Variants in CCDC150 observed in about 807,000 individuals in gnomAD.
The protein encoded by CCDC150 is coiled-coil domain-containing protein 150.
In CCDC150, 151 loss-of-function variants were observed where a neutral mutation model predicts 156.5. The observed-to-expected ratio is 0.97, with a 90% CI of 0.85 to 1.10. The LOEUF (loss-of-function observed/expected upper bound fraction) is 1.10, where lower values mean the gene tolerates loss of function less well. Among genes scored for constraint, CCDC150 ranks in the 50% least tolerant of loss-of-function variants. The pLI is 0.00. For synonymous variants in CCDC150, 452 were observed against 429.4 expected (o/e 1.05, Z -0.65); for missense variants, 1,312 against 1,268.1 (o/e 1.03, Z -0.53).
intron 17 of CCDC150, among the ~76,000 whole-genome samples, chr2:196,715,558 C>A (rs1478489460): frequency 2.6e-5 from 4 of 152,160 alleles, no homozygotes; most frequent in African/African-American, 9.7e-5. Flanking sequence ...GAATGTACTA[C>A]CCATCCAAAA....
At chr2:196,666,424 T>C (rs1476455837) in intron 6 of CCDC150, among the ~76,000 whole-genome samples, 3 of 152,212 alleles carry the variant, frequency 2.0e-5, no homozygotes, top group African/African-American at 7.2e-5. Flanking sequence ...ATTAGCCACA[T>C]ATGGCTATTC....
In CCDC150 at chr2:196,658,804, A is replaced by G. The variant is rs1412291794; in HGVS notation, c.589A>G (p.Ile197Val). 4.4e-6 allele frequency: 7 copies of G among 1,603,176 alleles called. No homozygotes were observed. Among genetic ancestry groups the G allele is most frequent in the Admixed American group, 3.4e-5 (2 of 58,754 alleles). Residue 197 changes from isoleucine to valine, a missense_variant, in exon 5 of 28, where the codon ATT (isoleucine) becomes GTT (valine). Coordinates refer to ENST00000389175, the MANE Select transcript of CCDC150 (RefSeq NM_001080539.2). ...CTTCTACTTTTAGAAGAATGCAGCC[A>G]TTATTGAAGAGGAACTGAAGACCAC... ...IASQTKKNAA[I>V]IEEELKTTKR... is the part of the protein sequence containing the mutation.
chr2:196,711,995 A>G (rs1697151312), intron 15 of CCDC150, 150 bp from the exon 16 acceptor site: 1 of 364,534 alleles, frequency 2.7e-6, no homozygotes, highest in African/African-American at 2.1e-5. Flanking sequence ...GCTTTTTGCA[A>G]GTTTTAAAGA....
intron 2 of CCDC150, among the ~76,000 whole-genome samples, chr2:196,649,969 C>T (rs1692778578): frequency 6.6e-6 from 1 of 152,134 alleles, no homozygotes; most frequent in South Asian, 2.1e-4. Context: ...TTCCTCCTTT[C>T]CTGTTTGGAT....
rs552956028 is a variant in CCDC150, at chr2:196,675,471, T to A, written c.1138-672T>A. 3.3e-4 allele frequency among the ~76,000 whole-genome samples: 51 copies of A among 152,282 alleles called. 1 individual carries two copies. Among genetic ancestry groups the A allele is most frequent in the African/African-American group, 7.9e-4 (33 of 41,578 alleles). The stretch of plus-strand genomic sequence containing the variant: ...AAATATTGTTAAAATAGAAGTTTTT[T>A]AAAAAGTATTTATAAAACTAATTGT... On this transcript the variant is annotated intron_variant, in intron 10 of 27. Coordinates refer to ENST00000389175, the MANE Select transcript of CCDC150 (RefSeq NM_001080539.2).
chr2:196,650,348 A>G (rs1692803795), intron 2 of CCDC150, among the ~76,000 whole-genome samples: 1 of 152,156 alleles, frequency 6.6e-6, no homozygotes, highest in African/African-American at 2.4e-5. Flanking sequence ...ATCTCACTTG[A>G]TCATGGTGAA....
intron 4 of CCDC150, 33 bp from the exon 5 acceptor site, chr2:196,658,759 A>G (rs956411388): frequency 4.0e-6 from 6 of 1,507,136 alleles, no homozygotes; most frequent in Non-Finnish European, 5.5e-6. Flanking sequence ...GTCATTTCAG[A>G]TTATTTAGAA....
Position 196,729,969 on chromosome 2 carries a change from C to G in CCDC150, c.2833C>G (p.Gln945Glu). The stretch of plus-strand genomic sequence containing the variant: ...TGTATCCTTCCAGTCTTTGAGTATC[C>G]AGAGATTTGTGTGTGAAATGACTAA... ...KKNYEQSLSI[Q>E]RFVCEMTNLQ... Residue 945 changes from glutamine to glutamate, a missense_variant, in exon 25 of 28, where the codon CAG (glutamine) becomes GAG (glutamate). Transcript: ENST00000389175. 6.2e-7 allele frequency: 1 copy of G among 1,612,240 alleles called. No individual in the cohort carries two copies. Among genetic ancestry groups the G allele is most frequent in the Non-Finnish European group, 8.5e-7 (1 of 1,179,340 alleles).
In CCDC150 at chr2:196,676,564, A is replaced by C; in HGVS notation, c.1273A>C (p.Ile425Leu). Residue 425 changes from isoleucine to leucine, a missense_variant, in exon 12 of 28, where the codon ATC becomes CTC. Coordinates refer to ENST00000389175, the MANE Select transcript of CCDC150 (RefSeq NM_001080539.2). ...TQLQAHLDHL[I>L]LEHNQCIQKA... Reference sequence around the variant, plus strand: ...GATCTCTTCCTGCAGGGATCATTTAATCCTTGAGCATAACCAGTGTATCCA... The same window carrying C: ...GATCTCTTCCTGCAGGGATCATTTACTCCTTGAGCATAACCAGTGTATCCA... The C allele has an allele frequency of 1.9e-6, 3 of 1,612,368 alleles. No individual in the cohort carries two copies. The highest frequency in any genetic ancestry group is 2.5e-6 in the Non-Finnish European group (3 of 1,179,238).
intron 3 of CCDC150, 22 bp from the exon 4 acceptor site, chr2:196,656,936 C>T: frequency 6.2e-7 from 1 of 1,611,846 alleles, no homozygotes; most frequent in Middle Eastern, 1.7e-4. Context: ...CTGCTTGATG[C>T]CCCTCCTGTG....
intron 26 of CCDC150, among the ~76,000 whole-genome samples, 164 bp downstream of exon 26, chr2:196,731,109 G>T (rs760618911): frequency 6.6e-6 from 1 of 152,044 alleles, no homozygotes; most frequent in Non-Finnish European, 1.5e-5. Flanking sequence ...GAGAAGAAGT[G>T]ATTTTTAGAT....
At chr2:196,689,892 T>C (rs1197204380) in intron 13 of CCDC150, among the ~76,000 whole-genome samples, 1 of 152,182 alleles carries the variant, frequency 6.6e-6, no homozygotes, top group African/African-American at 2.4e-5. Context: ...TTGTCATAGA[T>C]AGCTCTTATT....
intron 5 of CCDC150, 122 bp downstream of exon 5, chr2:196,658,982 TTA>T: frequency 1.5e-6 from 1 of 661,558 alleles, no homozygotes; most frequent in Non-Finnish European, 2.6e-6. Flanking sequence ...TAGGAAGACT[TTA>T]AAAATATGCC....
chr2:196,689,822 C>T (rs1367482837), intron 13 of CCDC150, among the ~76,000 whole-genome samples: 2 of 152,122 alleles, frequency 1.3e-5, no homozygotes, highest in Admixed American at 1.3e-4. Flanking sequence ...CTGTCTTGTG[C>T]CAGTTTTCAA....
At chr2:196,699,875 T>A (rs1019588664) in intron 14 of CCDC150, among the ~76,000 whole-genome samples, 1 of 152,160 alleles carries the variant, frequency 6.6e-6, no homozygotes, top group Non-Finnish European at 1.5e-5. Flanking sequence ...AGTTACAGAT[T>A]ATAGTAATCT....
intron 17 of CCDC150, among the ~76,000 whole-genome samples, chr2:196,716,246 A>AGTGGG (rs1409780984): frequency 6.6e-6 from 1 of 152,242 alleles, no homozygotes; most frequent in Non-Finnish European, 1.5e-5. Context: ...TGACCCAGTC[A>AGTGGG]GTGCACTACT....
intron 5 of CCDC150, among the ~76,000 whole-genome samples, chr2:196,661,820 A>G (rs994497123): frequency 3.9e-5 from 6 of 152,232 alleles, no homozygotes; most frequent in Non-Finnish European, 7.3e-5. Flanking sequence ...CATTGTAGGT[A>G]TATCACGTAT....
At position 196,730,046 on chromosome 2, in the gene CCDC150, G is replaced by T. The variant is rs1315289499; in HGVS notation, c.2910G>T (p.Val970=). 3 of 1,613,866 alleles carry T rather than the reference G, an allele frequency of 1.9e-6. No homozygotes were observed. The African/African-American group carries it at 4.0e-5, about 21-fold the overall frequency. Residue 970 remains valine (V), a synonymous_variant, in exon 25 of 28, where the codon GTG becomes GTT. Transcript: ENST00000389175. ...MLAKSQYDAS[V]RNKQQELHLE... is the part of the protein sequence containing the mutation. Reference sequence around the variant, plus strand: ...CTAAGAGCCAATATGATGCCTCAGTGCGGAATAAACAGCAAGAGCTGCACC... The same window carrying T: ...CTAAGAGCCAATATGATGCCTCAGTTCGGAATAAACAGCAAGAGCTGCACC...
chr2:196,652,845 C>T (rs956311300), intron 2 of CCDC150, among the ~76,000 whole-genome samples: 8 of 152,260 alleles, frequency 5.3e-5, no homozygotes, highest in African/African-American at 1.9e-4. Context: ...TGCCAGGCCT[C>T]CTTCATTCTT....
Sources: allele counts gnomAD v4.1 joint callset (sites outside exome capture counted in the v4.1 genomes callset), GRCh38; gene constraint gnomAD v4.1.1; transcripts MANE v1.5; gene names NCBI Gene and HGNC (gene_info 2026-07-23, HGNC 2026-07-21).